PKP3: variants seen among roughly 807,000 people sequenced by gnomAD.
PKP3 encodes the protein plakophilin 3.
Under a neutral mutation model 76.5 loss-of-function variants are expected in PKP3, and 66 were observed. The ratio of observed to expected loss-of-function variants is 0.86; its 90% confidence interval spans 0.71 to 1.06. The LOEUF (loss-of-function observed/expected upper bound fraction) is 1.06. Ranked by LOEUF, PKP3 falls within the 50% of genes least tolerant of loss-of-function variation. The pLI is 0.00. For missense variants in PKP3, 1,338 were observed against 1,141.0 expected, an observed-to-expected ratio of 1.17 and a Z score of -2.49; for synonymous variants, 638 against 516.5, an observed-to-expected ratio of 1.24 and a Z score of -3.19.
At position 399,214 on chromosome 11, in the gene PKP3, C is replaced by A. The variant is rs1847106379; in HGVS notation, c.1273+18C>A. 9.9e-6 allele frequency: 15 copies of A among 1,518,998 alleles called. No homozygotes were observed. The highest frequency in any genetic ancestry group is 1.3e-5 in the Non-Finnish European group (15 of 1,123,994). 94.1% of individuals were successfully genotyped at this position (1,518,998 alleles called of 1,614,324 possible). On this transcript the variant is annotated intron_variant, in intron 5 of 12. Coordinates refer to ENST00000331563, the MANE Select transcript of PKP3 (RefSeq NM_007183.4). ...TGTCACAGGTGCTGCCTGTCCCCTC[C>A]TCCACCTGTCCTTCCTCCACCTGCG...
Position 404,683 on chromosome 11 carries a change from C to A in PKP3, c.*114C>A. On this transcript the variant is annotated 3_prime_UTR_variant, in exon 13 of 13. Coordinates refer to ENST00000331563, the MANE Select transcript of PKP3 (RefSeq NM_007183.4). The surrounding 1 kb of genome is among the most constrained non-coding windows in gnomAD (Gnocchi z 4.2). The stretch of plus-strand genomic sequence containing the variant: ...GAAGGCTAATGACGGAGGGGCCCCT[C>A]GCTGGGGCCCCTGTGTGCATCTTTG... 20 of 999,612 alleles carry A rather than the reference C, an allele frequency of 2.0e-5. No individual in the cohort carries two copies. The highest frequency in any genetic ancestry group is 5.1e-5 in the East Asian group (2 of 39,504). The allele number at this position is 999,612 out of a possible 1,614,324, so 61.9% of individuals were successfully genotyped here. A position where few individuals can be genotyped will look rare whatever the true frequency, so the allele number is the denominator to read the frequency against.
chr11:398,839 A>T (rs1036810978), intron 4 of PKP3, among the ~76,000 whole-genome samples, 153 bp from the exon 5 acceptor site: 70 of 149,240 alleles, frequency 4.7e-4, no homozygotes, highest in Non-Finnish European at 8.2e-4. Flanking sequence ...CACCTCCGTC[A>T]CCTCCCTACC....
upstream of PKP3, among the ~76,000 whole-genome samples, chr11:392,919 C>T (rs1357872077): frequency 2.0e-5 from 3 of 152,112 alleles, no homozygotes; most frequent in Admixed American, 6.5e-5. Flanking sequence ...ACCCCTGCCC[C>T]AGCCCCATTA....
chr11:397,337 C>T lies in PKP3; in HGVS notation c.836C>T (p.Pro279Leu), dbSNP rs770438236. ...GTCCTGGAGCCAGTGGCTCGAGCGC[C>T]ATCTGTGCGCAGCCTCAGCCTCAGC... Reference protein sequence around the residue: ...GAVLEPVARAPSVRSLSLSLA... With the variant: ...GAVLEPVARALSVRSLSLSLA... The change falls in exon 3 of 13, where the codon CCA (proline) becomes CTA (leucine). Residue 279 changes from proline (P) to leucine (L), a missense_variant. Physicochemically the swap from Pro to Leu is moderately conservative, Grantham distance 98 (BLOSUM62 -3). Transcript: ENST00000331563. 2.2e-4 allele frequency: 355 copies of T among 1,581,882 alleles called. No individual in the cohort carries two copies. The highest frequency in any genetic ancestry group is 2.0e-4 in the Non-Finnish European group (238 of 1,167,128).
At chr11:395,144 C>T (rs11246145) in intron 1 of PKP3, among the ~76,000 whole-genome samples, 2 of 152,130 alleles carry the variant, frequency 1.3e-5, no homozygotes, top group Admixed American at 1.3e-4. Context: ...CCCACTCACG[C>T]GAGTGTGTGT....
chr11:403,370 C>T (rs923975595), intron 9 of PKP3, 107 bp downstream of exon 9: 66 of 990,720 alleles, frequency 6.7e-5, no homozygotes, highest in Middle Eastern at 3.2e-4. Flanking sequence ...CCAGGGTCCG[C>T]GGAGCCTCGG....
chr11:394,085 C>A, upstream of PKP3: 1 of 685,164 alleles, frequency 1.5e-6, no homozygotes, highest in Non-Finnish European at 2.2e-6. Flanking sequence ...CCAAATTCCA[C>A]CTTAAGCAGG....
rs1353926911 is a variant in PKP3, at chr11:394,292, C to T, written c.-1C>T. 2 of 1,505,128 alleles carry T rather than the reference C, an allele frequency of 1.3e-6. No homozygotes were observed. The highest frequency in any genetic ancestry group is 8.8e-7 in the Non-Finnish European group (1 of 1,133,724). 93.2% of individuals were successfully genotyped at this position (1,505,128 alleles called of 1,614,324 possible). Reference sequence around the variant, plus strand: ...GGCCCAGGCCCGGTGGACCTGCCGCCATGCAGGACGGTAACTTCCTGCTGT... The same window carrying T: ...GGCCCAGGCCCGGTGGACCTGCCGCTATGCAGGACGGTAACTTCCTGCTGT... On this transcript the variant is annotated 5_prime_UTR_variant, in exon 1 of 13. Coordinates refer to ENST00000331563, the MANE Select transcript of PKP3 (RefSeq NM_007183.4).
upstream of PKP3, chr11:392,614 G>C (rs552317881): frequency 3.1e-6 from 4 of 1,279,660 alleles, no homozygotes; most frequent in Admixed American, 6.9e-5. Context: ...TGCCCCGCAC[G>C]CGCCGGGCCA....
chr11:399,195 A>G lies in PKP3; in HGVS notation c.1272A>G (p.Thr424=), dbSNP rs1847106037. ...ATGATGAGCTTCGCAAAAATGTCAC[A>G]GGTGCTGCCTGTCCCCTCCTCCACC... The part of the protein sequence containing the change: ...EQDDELRKNV[T]GILWNLSSSD... The change falls in exon 5 of 13, where the codon ACA becomes ACG. Residue 424 remains threonine, a splice_region_variant and synonymous_variant. Coordinates refer to ENST00000331563, the MANE Select transcript of PKP3 (RefSeq NM_007183.4). 1.9e-6 allele frequency: 3 copies of G among 1,574,080 alleles called. No individual in the cohort carries two copies. The highest frequency in any genetic ancestry group is 2.6e-6 in the Non-Finnish European group (3 of 1,158,748).
rs1051097993 is a variant in PKP3, at chr11:403,630, C to A, written c.1936C>A (p.Leu646Met). ...TAGDRRWAGV[L>M]SRLALEQERI... ...TCCCTCCCCACAGTGGGCGGGGGTGCTGAGCCGCCTGGCCCTGGAGCAGGA... is the reference window on the plus strand; with the variant it reads ...TCCCTCCCCACAGTGGGCGGGGGTGATGAGCCGCCTGGCCCTGGAGCAGGA... Residue 646 changes from leucine to methionine, a missense_variant, in exon 10 of 13, where the codon CTG becomes ATG. Coordinates refer to ENST00000331563, the MANE Select transcript of PKP3 (RefSeq NM_007183.4). 1 of 1,605,728 alleles carries A rather than the reference C, an allele frequency of 6.2e-7. No individual in the cohort carries two copies. Among genetic ancestry groups the A allele is most frequent in the African/African-American group, 1.3e-5 (1 of 74,888 alleles).
In PKP3 at chr11:396,916, G is replaced by T. The variant is rs763137982; in HGVS notation, c.415G>T (p.Gly139Trp). 1 of 1,594,514 alleles carries T rather than the reference G, an allele frequency of 6.3e-7. No homozygotes were observed. ...TCGGAGGCTGAGTTCAGCCCACAAC[G>T]GGGGCAGCGCCTTTGGGGCCGCTGG... ...CSRRLSSAHN[G>W]GSAFGAAGYG... The change falls in exon 3 of 13, where the codon GGG becomes TGG. Residue 139 changes from glycine to tryptophan, a missense_variant. Physicochemically the swap from Gly to Trp is radical, Grantham distance 184 (BLOSUM62 -2). Transcript: ENST00000331563.
At chr11:400,237 C>T (rs1847128764) in intron 6 of PKP3, 96 bp downstream of exon 6, 3 of 1,414,586 alleles carry the variant, frequency 2.1e-6, no homozygotes, top group Admixed American at 4.7e-5. Flanking sequence ...CACCGCACGC[C>T]TCGCGCTGGG....
chr11:396,371 T>G, intron 1 of PKP3: 2 of 477,766 alleles, frequency 4.2e-6, no homozygotes, highest in South Asian at 3.8e-5. Flanking sequence ...CCCTCTCGGG[T>G]AGAGGAGGCA....
Position 400,426 on chromosome 11 carries a change from T to C in PKP3, c.1541T>C (p.Leu514Pro), listed in dbSNP as rs1007484732. The C allele has an allele frequency of 3.2e-6, 5 of 1,547,364 alleles. No individual in the cohort carries two copies. Among genetic ancestry groups the C allele is most frequent in the Non-Finnish European group, 4.4e-6 (5 of 1,145,684 alleles). Residue 514 changes from leucine (L) to proline (P), a missense_variant, in exon 7 of 13, where the codon CTG (leucine) becomes CCG (proline). Physicochemically the swap from Leu to Pro is moderately conservative, Grantham distance 98. Transcript: ENST00000331563. The stretch of plus-strand genomic sequence containing the variant: ...CTGGTCACCTCTATCAACCACGCCC[T>C]GGACGCGGGCAAATGCGAGGACAAG... ...DALVTSINHALDAGKCEDKSV... is the reference protein window; with the variant it reads ...DALVTSINHAPDAGKCEDKSV...
At position 404,717 on chromosome 11, in the gene PKP3, G is replaced by A. The variant is rs1482478421; in HGVS notation, c.*148G>A. 4 of 685,888 alleles carry A rather than the reference G, an allele frequency of 5.8e-6. No individual in the cohort carries two copies. Among genetic ancestry groups the A allele is most frequent in the Non-Finnish European group, 1.0e-5 (4 of 397,350 alleles). The allele number at this position is 685,888 out of a possible 1,614,324, so 42.5% of individuals were successfully genotyped here. Reference sequence around the variant, plus strand: ...CCCTGTGTGCATCTTTGAGGGTCCTGGGCCACCAGGAGGGGCAGGGTCTTA... The same window carrying A: ...CCCTGTGTGCATCTTTGAGGGTCCTAGGCCACCAGGAGGGGCAGGGTCTTA... On this transcript the variant is annotated 3_prime_UTR_variant, in exon 13 of 13. Transcript: ENST00000331563. The surrounding 1 kb of genome is among the most constrained non-coding windows in gnomAD (Gnocchi z 4.2).
upstream of PKP3, among the ~76,000 whole-genome samples, chr11:393,839 C>G (rs1174559730): frequency 6.6e-6 from 1 of 152,244 alleles, no homozygotes; most frequent in Non-Finnish European, 1.5e-5. Flanking sequence ...CTGGGGCACC[C>G]TCCCCTTCAT....
rs771948389 is a variant in PKP3 at position 399,078 on chromosome 11, G to A, written c.1155G>A (p.Met385Ile). ...QEVQRHATGA[M>I]RNLIYDNADN... is the part of the protein sequence containing the mutation. The stretch of plus-strand genomic sequence containing the variant: ...TGCAGCGCCATGCCACAGGTGCCAT[G>A]CGCAACCTCATCTACGACAACGCTG... The change falls in exon 5 of 13, where the codon ATG (methionine) becomes ATA (isoleucine). Residue 385 changes from methionine to isoleucine, a missense_variant. By Grantham distance (10) the Met-to-Ile change is conservative (BLOSUM62 1). Coordinates refer to ENST00000331563, the MANE Select transcript of PKP3 (RefSeq NM_007183.4). 1.2e-6 allele frequency: 2 copies of A among 1,611,786 alleles called. No individual in the cohort carries two copies. Among genetic ancestry groups the A allele is most frequent in the Non-Finnish European group, 1.7e-6 (2 of 1,179,330 alleles).
In PKP3 at chr11:404,860, G is replaced by T; in HGVS notation, c.*291G>T. The T allele has an allele frequency of 6.1e-6, 3 of 491,332 alleles. No individual in the cohort carries two copies. The South Asian group carries it at 6.7e-5, about 11-fold the overall frequency. 30.4% of individuals were successfully genotyped at this position (491,332 alleles called of 1,614,324 possible). ...GGTGGGGGTTGGCTGTGGCCTGGCA[G>T]TATCTTGGGATAGCCAGCACTGGGA... On this transcript the variant is annotated 3_prime_UTR_variant, in exon 13 of 13. Coordinates refer to ENST00000331563, the MANE Select transcript of PKP3 (RefSeq NM_007183.4). The surrounding 1 kb of genome is among the most constrained non-coding windows in gnomAD (Gnocchi z 4.2).
Sources: gnomAD v4.1 joint callset for allele counts (sites outside exome capture counted in the v4.1 genomes callset) on GRCh38, gnomAD v4.1.1 for gene constraint, Gnocchi (gnomAD v3.1) non-coding constraint, MANE v1.5 for transcripts, NCBI Gene and HGNC (gene_info 2026-07-23, HGNC 2026-07-21) for gene names.